The following CDH13 variants were observed in gnomAD, a reference collection of about 807,000 sequenced individuals.
The protein encoded by CDH13 is cadherin 13, also known as cadherin-13.
CDH13 carries 24 observed loss-of-function variants against 63.8 expected under a neutral mutation model. The observed-to-expected ratio is 0.38, with a 90% CI of 0.27 to 0.53. The LOEUF (loss-of-function observed/expected upper bound fraction) is 0.53. Ranked by LOEUF, CDH13 falls within the 20% of genes least tolerant of loss-of-function variation. The pLI is 0.85. For missense variants in CDH13, 1,049 were observed against 903.1 expected (o/e 1.16, Z -2.07); for synonymous variants, 503 against 355.3 (o/e 1.42, Z -4.67).
chr16:83,365,201 G>A (rs1416890454), intron 6 of CDH13, among the ~76,000 whole-genome samples: 1 of 152,226 alleles, frequency 6.6e-6, no homozygotes, highest in Non-Finnish European at 1.5e-5. Flanking sequence ...CCAGAGAGCT[G>A]ATGGTATCAT....
At chr16:83,516,065 C>T (rs1262823950) in intron 7 of CDH13, among the ~76,000 whole-genome samples, 2 of 152,152 alleles carry the variant, frequency 1.3e-5, no homozygotes, top group African/African-American at 4.8e-5. Context: ...ATTCGCTTTT[C>T]CAAGTTTCCG....
At position 83,627,093 on chromosome 16, in the gene CDH13, G is replaced by A. The variant is rs771350505; in HGVS notation, c.1101+24499G>A. Among the ~76,000 whole-genome samples, 4 of 149,530 alleles carry A rather than the reference G, an allele frequency of 2.7e-5. No individual in the cohort carries two copies. In the South Asian group the frequency reaches 6.5e-4, roughly 24 times the overall value. ...AGCTCAGGAGTTCAAGACCAGCCTC[G>A]GCAATATGAGGAAACCCCATCTCCA... On this transcript the variant is annotated intron_variant, in intron 8 of 13. Coordinates refer to ENST00000567109, the MANE Select transcript of CDH13 (RefSeq NM_001257.5).
At chr16:83,062,042 A>G (rs1292619083) in intron 3 of CDH13, among the ~76,000 whole-genome samples, 1 of 152,186 alleles carries the variant, frequency 6.6e-6, no homozygotes, top group Non-Finnish European at 1.5e-5. Context: ...AGCAAAACGG[A>G]TGCTATCAGG....
intron 8 of CDH13, among the ~76,000 whole-genome samples, chr16:83,608,087 C>T (rs750788214): frequency 6.6e-6 from 1 of 152,134 alleles, no homozygotes; most frequent in Non-Finnish European, 1.5e-5. Flanking sequence ...CAGAAAATTT[C>T]AAATTTCATT....
intron 1 of CDH13, among the ~76,000 whole-genome samples, chr16:82,711,474 T>C (rs2031940104): frequency 6.6e-6 from 1 of 152,180 alleles, no homozygotes; most frequent in East Asian, 1.9e-4. Flanking sequence ...CTTCATCCAC[T>C]TTCATCTGTT....
At chr16:83,567,752 C>A (rs573002226) in intron 7 of CDH13, among the ~76,000 whole-genome samples, 2 of 152,192 alleles carry the variant, frequency 1.3e-5, no homozygotes, top group East Asian at 1.9e-4. Context: ...CCCGCCACCA[C>A]GCCCGGCTAA....
intron 4 of CDH13, among the ~76,000 whole-genome samples, chr16:83,199,663 T>C (rs892563573): frequency 1.3e-5 from 2 of 152,208 alleles, no homozygotes; most frequent in African/African-American, 4.8e-5. Flanking sequence ...CCGTGACTGT[T>C]ACATGTTGTG....
Position 83,783,245 on chromosome 16 carries a change from C to T in CDH13, c.1916-9C>T. The T allele has an allele frequency of 6.2e-7, 1 of 1,604,894 alleles. No homozygotes were observed. The highest frequency in any genetic ancestry group is 1.3e-5 in the African/African-American group (1 of 74,878). ...TCCACTCTCACCAGAACCCTCCTTG[C>T]CTTTACAGATACACACGCCCTGGTA... On this transcript the variant is annotated splice_polypyrimidine_tract_variant and intron_variant, in intron 12 of 13. Transcript: ENST00000567109.
intron 4 of CDH13, among the ~76,000 whole-genome samples, chr16:83,183,375 C>T (rs1189287809): frequency 6.6e-6 from 1 of 152,184 alleles, no homozygotes; most frequent in Non-Finnish European, 1.5e-5. Flanking sequence ...TTGCTATGAC[C>T]TTCCACGCAC....
At chr16:83,443,762 A>ATATATATATG (rs1466430701) in intron 6 of CDH13, among the ~76,000 whole-genome samples, 2 of 139,248 alleles carry the variant, frequency 1.4e-5, no homozygotes, top group African/African-American at 5.4e-5. Flanking sequence ...ATATATATAT[A>ATATATATATG]TGGAGAGAAA....
chr16:82,935,094 T>C (rs1567675156), intron 2 of CDH13, among the ~76,000 whole-genome samples: 1 of 152,280 alleles, frequency 6.6e-6, no homozygotes, highest in East Asian at 1.9e-4. Flanking sequence ...GACTGGGTGA[T>C]TTATAAAGTA....
At chr16:83,071,370 G>A (rs146119044) in intron 3 of CDH13, among the ~76,000 whole-genome samples, 90 of 152,262 alleles carry the variant, frequency 5.9e-4, no homozygotes, top group Non-Finnish European at 1.1e-3. Flanking sequence ...AGGTTAAATA[G>A]TCTGCCCAGA....
chr16:82,775,174 A>G (rs144749290), intron 1 of CDH13, among the ~76,000 whole-genome samples: 2 of 152,220 alleles, frequency 1.3e-5, no homozygotes, highest in Admixed American at 1.3e-4. Context: ...TACCTACTGC[A>G]TATAGTTGTG....
chr16:83,036,731 C>T (rs756783315), intron 3 of CDH13, among the ~76,000 whole-genome samples: 2 of 152,132 alleles, frequency 1.3e-5, no homozygotes, highest in Non-Finnish European at 2.9e-5. Flanking sequence ...TGCTTCTTCC[C>T]AGCCCTTTGG....
chr16:82,657,567 T>G (rs1181190160), intron 1 of CDH13, among the ~76,000 whole-genome samples: 1 of 152,156 alleles, frequency 6.6e-6, no homozygotes, highest in Non-Finnish European at 1.5e-5. Flanking sequence ...AGACTGTGAT[T>G]GACCACAGTT....
At chr16:83,352,095 G>A (rs1375215648) in intron 6 of CDH13, among the ~76,000 whole-genome samples, 1 of 152,162 alleles carries the variant, frequency 6.6e-6, no homozygotes, top group South Asian at 2.1e-4. Context: ...CCCAGGGATG[G>A]CATCATTAAC....
chr16:83,387,736 C>T (rs957611576), intron 6 of CDH13, among the ~76,000 whole-genome samples: 1 of 152,150 alleles, frequency 6.6e-6, no homozygotes. Flanking sequence ...ACAATGGGGA[C>T]CAGTGAGAAG....
intron 6 of CDH13, among the ~76,000 whole-genome samples, chr16:83,412,827 G>A (rs2092147622): frequency 6.6e-6 from 1 of 152,194 alleles, no homozygotes; most frequent in South Asian, 2.1e-4. Flanking sequence ...TGAACCCAGG[G>A]CAAGAACTGC....
chr16:82,857,063 A>T (rs955968558), intron 1 of CDH13, among the ~76,000 whole-genome samples: 14 of 152,178 alleles, frequency 9.2e-5, no homozygotes, highest in South Asian at 4.1e-4. Context: ...AGAAGAAAAA[A>T]TGCAAAGTCC....
Sources: allele counts gnomAD v4.1 joint callset (sites outside exome capture counted in the v4.1 genomes callset), GRCh38; gene constraint gnomAD v4.1.1; transcripts MANE v1.5; gene names NCBI Gene and HGNC (gene_info 2026-07-23, HGNC 2026-07-21).